The following CCBE1 variants were observed in gnomAD, a reference collection of about 807,000 sequenced individuals.
CCBE1 encodes the protein collagen and calcium-binding EGF domain-containing protein 1.
In CCBE1, 37 loss-of-function variants were observed where a neutral mutation model predicts 50.0. The observed-to-expected ratio is 0.74, with a 90% CI of 0.57 to 0.97. CCBE1 has a LOEUF of 0.97. CCBE1 is among the 50% of genes least tolerant of loss of function. The probability of loss-of-function intolerance (pLI) is 0.00; values close to 1 mark genes in which losing one functional copy is unlikely to be tolerated. For synonymous variants in CCBE1, 234 were observed against 203.7 expected, an observed-to-expected ratio of 1.15 and a Z score of -1.27; for missense variants, 538 against 523.8, an observed-to-expected ratio of 1.03 and a Z score of -0.26.
chr18:59,522,993 C>CAAAAAAAAAA (rs57217059), intron 2 of CCBE1, among the ~76,000 whole-genome samples: 14 of 89,220 alleles, frequency 1.6e-4, no homozygotes, highest in East Asian at 1.2e-3. Context: ...GACTCTGTTT[C>CAAAAAAAAAA]AAAAAAAAAA....
intron 2 of CCBE1, among the ~76,000 whole-genome samples, chr18:59,538,716 G>C (rs1243291763): frequency 6.6e-6 from 1 of 152,194 alleles, no homozygotes; most frequent in African/African-American, 2.4e-5. Context: ...AGTTGGATGA[G>C]CCTGACAGAA....
At chr18:59,482,141 C>T (rs1283444237) in intron 2 of CCBE1, among the ~76,000 whole-genome samples, 1 of 152,182 alleles carries the variant, frequency 6.6e-6, no homozygotes, top group Non-Finnish European at 1.5e-5. Flanking sequence ...AGTGAGAACA[C>T]GCGGTTTTCT....
chr18:59,473,958 C>T (rs1045770902), intron 3 of CCBE1, among the ~76,000 whole-genome samples: 6 of 152,040 alleles, frequency 3.9e-5, no homozygotes, highest in Admixed American at 2.0e-4. Flanking sequence ...CAATGTTTAG[C>T]TCCCACTTAT....
Position 59,448,592 on chromosome 18 carries a change from C to G in CCBE1, c.655-489G>C, listed in dbSNP as rs567507620. On this transcript the variant is annotated intron_variant, in intron 6 of 10. Transcript: ENST00000439986. Reference sequence around the variant, plus strand: ...GGTTCCCCAGCACACTCAGGGCTGACCTTCAGTACAACTGGGCAATCGTGA... The same window carrying G: ...GGTTCCCCAGCACACTCAGGGCTGAGCTTCAGTACAACTGGGCAATCGTGA... Among the ~76,000 whole-genome samples, 23 of 152,266 alleles carry G rather than the reference C, an allele frequency of 1.5e-4. 1 individual carries two copies. The highest frequency in any genetic ancestry group is 4.6e-4 in the African/African-American group (19 of 41,562).
chr18:59,682,709 CTAAGGA>C (rs1488523259), intron 2 of CCBE1, among the ~76,000 whole-genome samples: 8 of 152,318 alleles, frequency 5.3e-5, no homozygotes, highest in African/African-American at 1.7e-4. Flanking sequence ...AGTGGTAGGT[CTAAGGA>C]TATCTTAGCA....
At chr18:59,455,740 C>G (rs1051509897) in intron 5 of CCBE1, among the ~76,000 whole-genome samples, 4 of 152,190 alleles carry the variant, frequency 2.6e-5, no homozygotes, top group Non-Finnish European at 2.9e-5. Context: ...TGCTGAGGAC[C>G]TTGCACAGAC....
At chr18:59,464,261 C>G (rs909964053) in intron 5 of CCBE1, among the ~76,000 whole-genome samples, 4 of 152,062 alleles carry the variant, frequency 2.6e-5, no homozygotes, top group African/African-American at 9.7e-5. Context: ...CATGGTGAAA[C>G]TACTAAAAAT....
At position 59,434,373 on chromosome 18, in the gene CCBE1, T is replaced by A. The variant is rs1910061565; in HGVS notation, c.*1535A>T. On this transcript the variant is annotated 3_prime_UTR_variant, in exon 11 of 11. Coordinates refer to ENST00000439986, the MANE Select transcript of CCBE1 (RefSeq NM_133459.4). ...AGTGAAAATCTCCCGCAAAGGTAGA[T>A]AAAGAGCCACTTTGTGTGTCCAGTG... is the stretch of plus-strand genomic sequence containing the variant. 1 of 152,198 alleles carries A rather than the reference T, an allele frequency of 6.6e-6. No individual in the cohort carries two copies. The highest frequency in any genetic ancestry group is 2.1e-4 in the South Asian group (1 of 4,824). 9.4% of individuals were successfully genotyped at this position (152,198 alleles called of 1,614,324 possible).
At chr18:59,633,971 T>C (rs1213144537) in intron 2 of CCBE1, among the ~76,000 whole-genome samples, 1 of 152,130 alleles carries the variant, frequency 6.6e-6, no homozygotes, top group Non-Finnish European at 1.5e-5. Context: ...CTAAGACAGA[T>C]CTGGCAGATG....
chr18:59,619,443 C>T (rs1367696098), intron 2 of CCBE1, among the ~76,000 whole-genome samples: 1 of 152,206 alleles, frequency 6.6e-6, no homozygotes, highest in East Asian at 1.9e-4. Context: ...CTCAGCCTCC[C>T]CAGGTAGCTA....
At chr18:59,551,575 T>C (rs943251913) in intron 2 of CCBE1, among the ~76,000 whole-genome samples, 3 of 152,256 alleles carry the variant, frequency 2.0e-5, no homozygotes, top group Non-Finnish European at 4.4e-5. Flanking sequence ...CCCCCTGTCC[T>C]ATATGCGGTC....
chr18:59,443,357 T>C (rs1910524548), intron 7 of CCBE1, among the ~76,000 whole-genome samples: 2 of 152,160 alleles, frequency 1.3e-5, no homozygotes, highest in Non-Finnish European at 2.9e-5. Flanking sequence ...CATCAGCATG[T>C]TCACCTCTGC....
At position 59,439,703 on chromosome 18, in the gene CCBE1, T is replaced by A; in HGVS notation, c.889A>T (p.Ile297Phe). Reference protein sequence around the residue: ...PMGPSPDLSHIKQGRRGPVGP... With the variant: ...PMGPSPDLSHFKQGRRGPVGP... ...ACAGGGCCCCTCCGGCCTTGCTTAA[T>A]GTGGGACAGATCAGGAGATGGTCCC... The change falls in exon 8 of 11, where the codon ATT (isoleucine) becomes TTT (phenylalanine). Residue 297 changes from isoleucine to phenylalanine, a missense_variant. Transcript: ENST00000439986. 1 of 1,614,258 alleles carries A rather than the reference T, an allele frequency of 6.2e-7. No individual in the cohort carries two copies. Among genetic ancestry groups the A allele is most frequent in the Non-Finnish European group, 8.5e-7 (1 of 1,180,042 alleles).
intron 2 of CCBE1, among the ~76,000 whole-genome samples, chr18:59,550,971 C>T (rs1915890979): frequency 8.3e-6 from 1 of 120,812 alleles, no homozygotes; most frequent in Non-Finnish European, 1.6e-5. Context: ...CGCCACTGCA[C>T]TCCAGCCTGG....
chr18:59,476,294 G>T (rs1912302486), intron 3 of CCBE1, among the ~76,000 whole-genome samples: 1 of 152,144 alleles, frequency 6.6e-6, no homozygotes, highest in Non-Finnish European at 1.5e-5. Flanking sequence ...TTTGCTGCTG[G>T]TTCTTATGAC....
chr18:59,668,716 A>G (rs1454482413), intron 2 of CCBE1, among the ~76,000 whole-genome samples: 1 of 150,560 alleles, frequency 6.6e-6, no homozygotes, highest in Admixed American at 6.6e-5. Context: ...CTAGACATGG[A>G]TTTCTCACAT....
intron 2 of CCBE1, among the ~76,000 whole-genome samples, chr18:59,613,863 GTTTTTT>G (rs34847608): frequency 1.0e-5 from 1 of 98,428 alleles, no homozygotes; most frequent in African/African-American, 3.7e-5. Context: ...TCTCTGATGG[GTTTTTT>G]TTTTTTTTTT....
At chr18:59,642,462 C>T (rs1468112223) in intron 2 of CCBE1, among the ~76,000 whole-genome samples, 2 of 151,910 alleles carry the variant, frequency 1.3e-5, no homozygotes, top group East Asian at 3.9e-4. Context: ...GTAGGTCCCT[C>T]CTTGGAGACA....
At chr18:59,597,784 A>C (rs2053375205) in intron 2 of CCBE1, among the ~76,000 whole-genome samples, 2 of 152,190 alleles carry the variant, frequency 1.3e-5, no homozygotes, top group South Asian at 4.1e-4. Context: ...TATCAGTAAT[A>C]AGACCATGAG....
Sources: gnomAD v4.1 joint callset for allele counts (sites outside exome capture counted in the v4.1 genomes callset) on GRCh38, gnomAD v4.1.1 for gene constraint, MANE v1.5 for transcripts, NCBI Gene and HGNC (gene_info 2026-07-23, HGNC 2026-07-21) for gene names.